The following SCN11A variants were observed in gnomAD, a reference collection of about 807,000 sequenced individuals.
The protein encoded by SCN11A is sodium channel protein type 11 subunit alpha.
A neutral mutation model predicts 162.2 loss-of-function variants in SCN11A; 122 were observed. The observed-to-expected ratio is 0.75, with a 90% CI of 0.65 to 0.87. The LOEUF (loss-of-function observed/expected upper bound fraction) is 0.87, where lower values mean the gene tolerates loss of function less well. Ranked by LOEUF, SCN11A falls within the 40% of genes least tolerant of loss-of-function variation. The pLI is 0.00. For missense variants in SCN11A, 2,015 were observed against 2,181.6 expected (o/e 0.92, Z 1.52); for synonymous variants, 758 against 751.5 (o/e 1.01, Z -0.14).
chr3:39,031,855 T>C (rs1343455653), intron 2 of SCN11A, among the ~76,000 whole-genome samples: 1 of 152,190 alleles, frequency 6.6e-6, no homozygotes, highest in Non-Finnish European at 1.5e-5. Context: ...AAAGTTTATT[T>C]TGTTTACAGA....
chr3:38,981,936 A>C (rs1437638976), intron 2 of SCN11A, among the ~76,000 whole-genome samples: 1 of 151,738 alleles, frequency 6.6e-6, no homozygotes, highest in Non-Finnish European at 1.5e-5. Flanking sequence ...CCCAGGAGGC[A>C]GAGGTTGCAG....
At chr3:38,987,295 TCTCTCTCTCACA>T in intron 2 of SCN11A, among the ~76,000 whole-genome samples, 1 of 116,560 alleles carries the variant, frequency 8.6e-6, no homozygotes, top group South Asian at 2.6e-4. Context: ...TCTCTCTCTC[TCTCTCTCTCACA>T]CACACACACA....
intron 7 of SCN11A, among the ~76,000 whole-genome samples, chr3:38,927,890 G>T (rs531251420): frequency 2.0e-4 from 30 of 152,246 alleles, no homozygotes; most frequent in African/African-American, 7.0e-4. Flanking sequence ...GATGAGATTT[G>T]GGTGGGGACA....
intron 2 of SCN11A, among the ~76,000 whole-genome samples, chr3:39,022,206 T>C (rs1170228419): frequency 6.6e-6 from 1 of 152,242 alleles, no homozygotes; most frequent in Non-Finnish European, 1.5e-5. Flanking sequence ...TGCTATGTTT[T>C]GTCCCTGGGA....
At chr3:38,912,904 T>C (rs923246582) in intron 11 of SCN11A, among the ~76,000 whole-genome samples, 1 of 152,216 alleles carries the variant, frequency 6.6e-6, no homozygotes, top group Non-Finnish European at 1.5e-5. Context: ...GTTGCTTCCA[T>C]GTCTTTGCTA....
Position 38,883,301 on chromosome 3 carries a change from G to C in SCN11A, c.3151C>G (p.Gln1051Glu). Reference protein sequence around the residue: ...IWWNLRKTCYQIVKHSWFESF... With the variant: ...IWWNLRKTCYEIVKHSWFESF... The stretch of plus-strand genomic sequence containing the variant: ...TCAAACCAGCTGTGTTTCACTATTT[G>C]GTAGCAGGTTTTCCGCAGGTTCCAC... Residue 1051 changes from glutamine (Q) to glutamate (E), a missense_variant, in exon 22 of 30, where the codon CAA (glutamine) becomes GAA (glutamate). Gln to Glu is a conservative substitution (Grantham distance 29, BLOSUM62 2). Transcript: ENST00000302328. The C allele has an allele frequency of 1.2e-6, 2 of 1,613,818 alleles. No homozygotes were observed. Among genetic ancestry groups the C allele is most frequent in the Non-Finnish European group, 1.7e-6 (2 of 1,179,786 alleles).
Position 38,980,365 on chromosome 3 carries a change from T to C in SCN11A, c.-279-19942A>G, listed in dbSNP as rs547603598. Among the ~76,000 whole-genome samples, 7 of 152,236 alleles carry C rather than the reference T, an allele frequency of 4.6e-5. No homozygotes were observed. In the South Asian group the frequency reaches 6.2e-4, roughly 14 times the overall value. ...AAGGGGAATCACCTCCAGAGGCAAA[T>C]TGGTTTCTAAAACCATCTCTCCAGG... On this transcript the variant is annotated intron_variant, in intron 2 of 29. Transcript: ENST00000302328.
rs1001096300 is a variant in SCN11A, at chr3:38,933,514, C to T, written c.489-6583G>A. Among the ~76,000 whole-genome samples, 740 of 152,216 alleles carry T rather than the reference C, an allele frequency of 4.9e-3. 11 individuals carry two copies. The highest frequency in any genetic ancestry group is 0.016 in the African/African-American group (674 of 41,538). ...GAAAGTATAACTAGAATAACCAATA[C>T]AGAGAAGTGCTTAAAGGAGCTGATG... On this transcript the variant is annotated intron_variant, in intron 7 of 29. Coordinates refer to ENST00000302328, the MANE Select transcript of SCN11A (RefSeq NM_001349253.2).
At chr3:38,963,194 A>G (rs996899063) in intron 2 of SCN11A, among the ~76,000 whole-genome samples, 4 of 150,744 alleles carry the variant, frequency 2.7e-5, no homozygotes, top group Non-Finnish European at 5.9e-5. Context: ...CAATCTCACT[A>G]TTGAGTATCT....
intron 2 of SCN11A, among the ~76,000 whole-genome samples, chr3:39,003,123 A>G (rs1337110343): frequency 2.6e-5 from 4 of 152,156 alleles, no homozygotes; most frequent in African/African-American, 9.7e-5. Context: ...TTATTCAATC[A>G]CCCAGGTATG....
Position 38,894,906 on chromosome 3 carries a change from C to A in SCN11A, c.2462G>T (p.Gly821Val). 1 of 1,614,078 alleles carries A rather than the reference C, an allele frequency of 6.2e-7. No individual in the cohort carries two copies. Among genetic ancestry groups the A allele is most frequent in the South Asian group, 1.1e-5 (1 of 91,066 alleles). Residue 821 changes from glycine to valine, a missense_variant, in exon 19 of 30, where the codon GGA (glycine) becomes GTA (valine). Physicochemically the swap from Gly to Val is moderately radical, Grantham distance 109. Transcript: ENST00000302328. ...TTTCCTGGCCTCTCCTTCTAAGTTT[C>A]CATTTCTTTCCTCATTGCTAAAGGA... ...LNSFSNEERN[G>V]NLEGEARKTK...
intron 14 of SCN11A, among the ~76,000 whole-genome samples, chr3:38,905,780 C>T (rs62242263): frequency 0.063 from 9,661 of 152,206 alleles, 320 homozygotes; most frequent in Non-Finnish European, 0.071. Flanking sequence ...ACCGCCTATA[C>T]GGTTTTTAAA....
chr3:38,998,695 G>A (rs1025739404), intron 2 of SCN11A, among the ~76,000 whole-genome samples: 4 of 152,048 alleles, frequency 2.6e-5, no homozygotes, highest in Admixed American at 2.0e-4. Flanking sequence ...AAGAAAATGT[G>A]GCACATATAC....
At position 38,894,607 on chromosome 3, in the gene SCN11A, C is replaced by G; in HGVS notation, c.2761G>C (p.Glu921Gln). The G allele has an allele frequency of 8.1e-6, 13 of 1,614,138 alleles. No individual in the cohort carries two copies. The highest frequency in any genetic ancestry group is 1.1e-5 in the Non-Finnish European group (13 of 1,179,998). The change falls in exon 19 of 30, where the codon GAG (glutamate) becomes CAG (glutamine). Residue 921 changes from glutamate to glutamine, a missense_variant. Coordinates refer to ENST00000302328, the MANE Select transcript of SCN11A (RefSeq NM_001349253.2). ...HDWTWLAPLA[E>Q]EEDDVEFSGE... ...GAAAATTCAACGTCATCTTCCTCCTCCGCAAGTGGTGCCAACCAAGTCCAA... is the reference window on the plus strand; with the variant it reads ...GAAAATTCAACGTCATCTTCCTCCTGCGCAAGTGGTGCCAACCAAGTCCAA...
At chr3:38,859,052 A>C (rs1015853322) in intron 28 of SCN11A, among the ~76,000 whole-genome samples, 151 of 152,156 alleles carry the variant, frequency 9.9e-4, no homozygotes, top group African/African-American at 3.5e-3. Flanking sequence ...GTAGCATTAA[A>C]TGCGTACATC....
At chr3:39,039,126 T>C (rs538284565) in intron 1 of SCN11A, among the ~76,000 whole-genome samples, 18 of 152,242 alleles carry the variant, frequency 1.2e-4, no homozygotes, top group South Asian at 4.1e-4. Context: ...TATCCAATGA[T>C]AGATGACATG....
At chr3:38,925,337 T>C (rs1396255012) in intron 9 of SCN11A, 78 bp downstream of exon 9, 16 of 967,104 alleles carry the variant, frequency 1.7e-5, no homozygotes, top group African/African-American at 3.3e-5. Flanking sequence ...GTTTACATGA[T>C]GACATTTTGA....
rs2066597029 is a variant in SCN11A, at chr3:38,950,528, A to T, written c.-7-159T>A. 5.0e-5 allele frequency: 34 copies of T among 679,500 alleles called. No homozygotes were observed. In the South Asian group the frequency reaches 6.5e-4, roughly 13 times the overall value. 42.1% of individuals were successfully genotyped at this position (679,500 alleles called of 1,614,324 possible). A position where few individuals can be genotyped will look rare whatever the true frequency, so the allele number is the denominator to read the frequency against. On this transcript the variant is annotated intron_variant, in intron 4 of 29. Transcript: ENST00000302328. ...TGGGAGCTGATTGGCTGTGAAGATCAGAAGAGATGACCACCACTGTGGGTA... is the reference window on the plus strand; with the variant it reads ...TGGGAGCTGATTGGCTGTGAAGATCTGAAGAGATGACCACCACTGTGGGTA...
chr3:39,000,909 C>T (rs765439859), intron 2 of SCN11A, among the ~76,000 whole-genome samples: 13 of 151,882 alleles, frequency 8.6e-5, no homozygotes, highest in Non-Finnish European at 1.3e-4. Flanking sequence ...TGGTGGTGTG[C>T]GCCTACAATC....
Sources: gnomAD v4.1 joint callset for allele counts (sites outside exome capture counted in the v4.1 genomes callset) on GRCh38, gnomAD v4.1.1 for gene constraint, MANE v1.5 for transcripts, NCBI Gene and HGNC (gene_info 2026-07-23, HGNC 2026-07-21) for gene names.